The following CDC20B variants were observed in gnomAD, a reference collection of about 807,000 sequenced individuals.
CDC20B encodes cell division cycle protein 20 homolog B.
In CDC20B, 58 loss-of-function variants were observed where a neutral mutation model predicts 64.1. The ratio of observed to expected loss-of-function variants is 0.90; its 90% CI spans 0.73 to 1.13. CDC20B has a LOEUF of 1.13. Ranked by LOEUF, CDC20B falls within the 50% of genes most tolerant of loss-of-function variation. CDC20B has a pLI of 0.00. For synonymous variants in CDC20B, 243 were observed against 230.6 expected, an observed-to-expected ratio of 1.05 and a Z score of -0.49; for missense variants, 597 against 633.0, an observed-to-expected ratio of 0.94 and a Z score of 0.61.
intron 5 of CDC20B, chr5:55,137,423 T>C: frequency 2.5e-6 from 1 of 395,624 alleles, no homozygotes; most frequent in Non-Finnish European, 5.1e-6. Flanking sequence ...GCATAAAGAA[T>C]TGCTTTATAT....
intron 2 of CDC20B, chr5:55,164,241 G>A (rs1308068900): frequency 6.7e-7 from 1 of 1,488,974 alleles, no homozygotes; most frequent in East Asian, 2.3e-5. Context: ...GTTTCTAATA[G>A]AACAGAGAAA....
At chr5:55,160,924 TA>T (rs1457528328) in intron 2 of CDC20B, 1 of 1,508,438 alleles carries the variant, frequency 6.6e-7, no homozygotes, top group African/African-American at 1.4e-5. Context: ...TTTAGGATTT[TA>T]ACTACTTGCA....
chr5:55,126,466 C>CA (rs34581363), intron 8 of CDC20B: 3,724 of 98,210 alleles, frequency 0.038, 114 homozygotes, highest in Middle Eastern at 0.07. Flanking sequence ...GATTCCATGT[C>CA]AAAAAAAAAA....
Position 55,114,243 on chromosome 5 carries a change from G to A in CDC20B, c.1535C>T (p.Thr512Met), listed in dbSNP as rs372402086. 1.3e-5 allele frequency: 21 copies of A among 1,613,666 alleles called. No individual in the cohort carries two copies. The highest frequency in any genetic ancestry group is 1.6e-4 in the Middle Eastern group (1 of 6,082). Residue 512 changes from threonine to methionine, a missense_variant, in exon 12 of 12, where the codon ACG becomes ATG. Thr to Met is a moderately conservative substitution (Grantham distance 81). This residue lies in a region of CDC20B where 353 missense variants were observed against 397.0 expected (regional missense o/e 0.89). Coordinates refer to ENST00000381375, the MANE Select transcript of CDC20B (RefSeq NM_001170402.1). This position sits in a 1 kb window ranked among gnomAD's most constrained non-coding sequence, Gnocchi z 4.1. ...CTAGTAGCAATTCCATACAGAGGCCGTCCCATCAGCTGCAGCAGAAAACAC... is the reference window on the plus strand; with the variant it reads ...CTAGTAGCAATTCCATACAGAGGCCATCCCATCAGCTGCAGCAGAAAACAC... ...TRVFSAAADGTASVWNCY is the reference protein window; with the variant it reads ...TRVFSAAADGMASVWNCY
rs964988294 is a variant in CDC20B at position 55,173,169 on chromosome 5, C to G, written c.-169G>C. The G allele has an allele frequency of 1.5e-4, 87 of 592,874 alleles. 1 individual carries two copies. The highest frequency in any genetic ancestry group is 9.3e-5 in the Admixed American group (3 of 32,240). The allele number at this position is 592,874 out of a possible 1,614,324, so 36.7% of individuals were successfully genotyped here. On this transcript the variant is annotated 5_prime_UTR_variant, in exon 1 of 12. Transcript: ENST00000381375. The stretch of plus-strand genomic sequence containing the variant: ...CCTCCAGGTCCCCCACTCCTCCCAC[C>G]GCCGCTGCAAGGTGTTCCCCAGGGT...
At chr5:55,172,196 C>A in intron 2 of CDC20B, 1 of 192,854 alleles carries the variant, frequency 5.2e-6, no homozygotes, top group Non-Finnish European at 1.1e-5. Flanking sequence ...CGTTAAGAAC[C>A]ATGGTTTATG....
chr5:55,160,880 A>C, intron 2 of CDC20B: 8 of 1,113,908 alleles, frequency 7.2e-6, no homozygotes, highest in Non-Finnish European at 1.0e-5. Flanking sequence ...TATGAAAAAA[A>C]CATCAATCAG....
intron 6 of CDC20B, among the ~76,000 whole-genome samples, chr5:55,130,946 AC>A (rs1445432300): frequency 1.3e-5 from 2 of 151,830 alleles, no homozygotes; most frequent in Non-Finnish European, 2.9e-5. Context: ...GTAAAGTAAG[AC>A]CCCATCTCTA....
intron 3 of CDC20B, among the ~76,000 whole-genome samples, chr5:55,144,231 T>C (rs1743412959): frequency 6.6e-6 from 1 of 152,192 alleles, no homozygotes; most frequent in Admixed American, 6.5e-5. Context: ...TAGTTTAAGA[T>C]GGCATCAGTG....
intron 2 of CDC20B, chr5:55,164,264 G>A: frequency 7.2e-7 from 1 of 1,393,222 alleles, no homozygotes; most frequent in Non-Finnish European, 9.5e-7. Flanking sequence ...TCTCCATGAG[G>A]GTTTGGTCTC....
At chr5:55,133,380 A>C (rs745793015) in intron 6 of CDC20B, 32 bp downstream of exon 6, 3 of 1,174,522 alleles carry the variant, frequency 2.6e-6, no homozygotes, top group African/African-American at 3.0e-5. Context: ...TGTCATTTCA[A>C]CTTTTAATTC....
chr5:55,167,697 C>CA (rs888045211), intron 2 of CDC20B, among the ~76,000 whole-genome samples: 6 of 151,780 alleles, frequency 4.0e-5, no homozygotes, highest in Admixed American at 6.6e-5. Flanking sequence ...CCTGTCTCCA[C>CA]AAAAAAAATC....
At chr5:55,151,233 T>A (rs1471167527) in intron 2 of CDC20B, among the ~76,000 whole-genome samples, 4 of 152,172 alleles carry the variant, frequency 2.6e-5, no homozygotes, top group African/African-American at 4.8e-5. Context: ...ATATTAGAAA[T>A]TTAGACTTTT....
chr5:55,148,003 G>A (rs1213371211), intron 2 of CDC20B, among the ~76,000 whole-genome samples: 1 of 152,200 alleles, frequency 6.6e-6, no homozygotes, highest in African/African-American at 2.4e-5. Flanking sequence ...ATGTAGCCAT[G>A]TGAAATTAAA....
At chr5:55,169,924 T>C (rs529637358) in intron 2 of CDC20B, among the ~76,000 whole-genome samples, 1 of 152,194 alleles carries the variant, frequency 6.6e-6, no homozygotes, top group African/African-American at 2.4e-5. Flanking sequence ...CCATCCCAGC[T>C]AACACGGTGA....
chr5:55,125,032 C>T lies in CDC20B; in HGVS notation c.990-4G>A, dbSNP rs545879575. On this transcript the variant is annotated splice_region_variant and splice_polypyrimidine_tract_variant and intron_variant, in intron 8 of 11. Coordinates refer to ENST00000381375, the MANE Select transcript of CDC20B (RefSeq NM_001170402.1). ...AACACGCCCCAGTCTTGACCCACTGCGAGTTTACATAACAAAAAAATTAAG... is the reference window on the plus strand; with the variant it reads ...AACACGCCCCAGTCTTGACCCACTGTGAGTTTACATAACAAAAAAATTAAG... 7 of 1,603,826 alleles carry T rather than the reference C, an allele frequency of 4.4e-6. No individual in the cohort carries two copies. Among genetic ancestry groups the T allele is most frequent in the Middle Eastern group, 1.7e-4 (1 of 6,030 alleles).
At chr5:55,118,564 T>G (rs1207743737) in intron 11 of CDC20B, among the ~76,000 whole-genome samples, 2 of 152,222 alleles carry the variant, frequency 1.3e-5, no homozygotes, top group African/African-American at 4.8e-5. Flanking sequence ...ACCTAGCTGC[T>G]GGAATTAGTT....
intron 2 of CDC20B, among the ~76,000 whole-genome samples, chr5:55,154,600 A>C (rs966054811): frequency 2.6e-5 from 4 of 152,130 alleles, no homozygotes; most frequent in African/African-American, 9.7e-5. Context: ...TAAAAGAAAA[A>C]CTTACTTTAT....
At chr5:55,121,661 T>C (rs1316023728) in intron 9 of CDC20B, among the ~76,000 whole-genome samples, 1 of 152,200 alleles carries the variant, frequency 6.6e-6, no homozygotes, top group Non-Finnish European at 1.5e-5. Flanking sequence ...TTCCAAGCAG[T>C]TATAACTTTT....
Sources: gnomAD v4.1 joint callset for allele counts (sites outside exome capture counted in the v4.1 genomes callset) on GRCh38, gnomAD v4.1.1 for gene constraint, gnomAD v4.1.1 regional missense constraint, Gnocchi (gnomAD v3.1) non-coding constraint, MANE v1.5 for transcripts, NCBI Gene and HGNC (gene_info 2026-07-23, HGNC 2026-07-21) for gene names.